Variants in ARHGAP24 observed in about 807,000 individuals in gnomAD.
The protein encoded by ARHGAP24 is Rho GTPase activating protein 24, also known as rho GTPase-activating protein 24.
Under a neutral mutation model 76.4 loss-of-function variants are expected in ARHGAP24, and 50 were observed. That is an observed-to-expected ratio of 0.65 (90% CI 0.52 to 0.83). The LOEUF (loss-of-function observed/expected upper bound fraction) is 0.83. Ranked by LOEUF, ARHGAP24 falls within the 40% of genes least tolerant of loss-of-function variation. The pLI is 0.00. For missense variants in ARHGAP24, 930 were observed against 914.2 expected (o/e 1.02, Z -0.22); for synonymous variants, 345 against 323.3 (o/e 1.07, Z -0.72).
chr4:85,894,670 A>G (rs1362120073), intron 3 of ARHGAP24, among the ~76,000 whole-genome samples: 1 of 152,134 alleles, frequency 6.6e-6, no homozygotes, highest in East Asian at 1.9e-4. Flanking sequence ...GATATAATGG[A>G]CTTTGGGAGC....
chr4:85,954,433 C>T (rs980450984), intron 5 of ARHGAP24, among the ~76,000 whole-genome samples: 1 of 152,208 alleles, frequency 6.6e-6, no homozygotes, highest in East Asian at 1.9e-4. Context: ...CCAATTTAAG[C>T]TCCTTGAGGG....
At chr4:85,704,030 G>A (rs541179171) in intron 2 of ARHGAP24, among the ~76,000 whole-genome samples, 7 of 152,138 alleles carry the variant, frequency 4.6e-5, no homozygotes, top group Non-Finnish European at 1.0e-4. Context: ...TCTATAGCAT[G>A]TAACCTTTGA....
chr4:85,495,883 A>G (rs1480415053), intron 1 of ARHGAP24, among the ~76,000 whole-genome samples: 2 of 152,170 alleles, frequency 1.3e-5, no homozygotes, highest in Non-Finnish European at 2.9e-5. Context: ...TTTCTCTTGG[A>G]TAGTGAAAGA....
intron 2 of ARHGAP24, among the ~76,000 whole-genome samples, chr4:85,574,518 T>C (rs972202180): frequency 6.6e-6 from 1 of 152,120 alleles, no homozygotes; most frequent in Admixed American, 6.5e-5. Flanking sequence ...AAAATAGATA[T>C]CTATAGATAG....
At position 85,994,867 on chromosome 4, in the gene ARHGAP24, AAC is replaced by A; in HGVS notation, c.1215_1216del (p.Asn405LysfsTer9). 6.2e-7 allele frequency: 1 copy of A among 1,614,130 alleles called. No homozygotes were observed. The highest frequency in any genetic ancestry group is 1.1e-5 in the South Asian group (1 of 91,078). On this transcript the variant is annotated frameshift_variant, in exon 9 of 10. Coordinates refer to ENST00000395184, the MANE Select transcript of ARHGAP24 (RefSeq NM_001025616.3). LOFTEE classifies it high-confidence loss of function. ...AGGCAGCAAAACCAACAGCCCAAAGAACAGTGTTCACAAGCTAGATGTGTCTA... is the reference window on the plus strand; with the variant it reads ...AGGCAGCAAAACCAACAGCCCAAAGAAGTGTTCACAAGCTAGATGTGTCTA... Reference protein sequence around the residue: ...LSGSKTNSPKNSVHKLDVSRS... With the variant: ...LSGSKTNSPKXSVHKLDVSRS...
intron 1 of ARHGAP24, among the ~76,000 whole-genome samples, chr4:85,494,415 A>C (rs535574667): frequency 2.0e-5 from 3 of 148,952 alleles, no homozygotes; most frequent in Admixed American, 2.0e-4. Context: ...ATTATTATAC[A>C]TTTTTTTTTT....
chr4:85,519,875 C>T lies in ARHGAP24; in HGVS notation c.-21+44316C>T, dbSNP rs111744665. Reference sequence around the variant, plus strand: ...CTCTTTGTCTTCAAGGCTGTCCCGACTGTGGTGTGGATGTCTCCTGTTTCC... The same window carrying T: ...CTCTTTGTCTTCAAGGCTGTCCCGATTGTGGTGTGGATGTCTCCTGTTTCC... On this transcript the variant is annotated intron_variant, in intron 1 of 9. Transcript: ENST00000395184. Among the ~76,000 whole-genome samples the T allele has an allele frequency of 1.4e-4, 21 of 152,212 alleles. 1 individual carries two copies. The highest frequency in any genetic ancestry group is 5.1e-4 in the African/African-American group (21 of 41,534).
chr4:85,645,353 CTCTTT>C (rs1165167489), intron 2 of ARHGAP24, among the ~76,000 whole-genome samples: 1 of 152,060 alleles, frequency 6.6e-6, no homozygotes, highest in African/African-American at 2.4e-5. Flanking sequence ...GGTCCTAGAT[CTCTTT>C]TCTTTTCTTT....
chr4:85,688,033 G>C (rs972692124), intron 2 of ARHGAP24, among the ~76,000 whole-genome samples: 1 of 152,050 alleles, frequency 6.6e-6, no homozygotes. Context: ...GGCTGATCTC[G>C]AACTCCTGAC....
chr4:85,879,044 T>G (rs755794831), intron 3 of ARHGAP24, among the ~76,000 whole-genome samples: 4 of 152,224 alleles, frequency 2.6e-5, no homozygotes, highest in Non-Finnish European at 4.4e-5. Context: ...CGATGGCTGC[T>G]GAAGAAGGGA....
intron 3 of ARHGAP24, among the ~76,000 whole-genome samples, chr4:85,745,519 A>G (rs1161609932): frequency 2.0e-5 from 3 of 149,394 alleles, no homozygotes; most frequent in African/African-American, 7.3e-5. Flanking sequence ...TCACTCCAGG[A>G]GTTCAAGGCT....
At chr4:85,822,229 G>GT (rs1262413214) in intron 3 of ARHGAP24, among the ~76,000 whole-genome samples, 1 of 152,082 alleles carries the variant, frequency 6.6e-6, no homozygotes, top group Non-Finnish European at 1.5e-5. Flanking sequence ...TGGTCTTTCT[G>GT]TTTTTCCAGT....
intron 1 of ARHGAP24, among the ~76,000 whole-genome samples, chr4:85,505,369 T>A (rs1242948572): frequency 1.3e-5 from 2 of 152,186 alleles, no homozygotes; most frequent in Non-Finnish European, 2.9e-5. Flanking sequence ...AATCAAACGT[T>A]GATTTGGTCT....
intron 3 of ARHGAP24, among the ~76,000 whole-genome samples, chr4:85,902,012 T>TC (rs1332811592): frequency 6.6e-6 from 1 of 152,102 alleles, no homozygotes; most frequent in Non-Finnish European, 1.5e-5. Context: ...TATGTGATGG[T>TC]CCCCTCCCTG....
At chr4:85,860,790 C>T (rs1206888006) in intron 3 of ARHGAP24, among the ~76,000 whole-genome samples, 4 of 151,900 alleles carry the variant, frequency 2.6e-5, no homozygotes, top group Non-Finnish European at 4.4e-5. Context: ...ATCATAGTCA[C>T]TTTTCCTACT....
chr4:85,828,107 C>T (rs193012166), intron 3 of ARHGAP24: 2 of 629,198 alleles, frequency 3.2e-6, no homozygotes, highest in East Asian at 1.3e-4. Context: ...TTTATTTATA[C>T]CCTTGTTTTC....
At chr4:85,696,669 A>T (rs1364193066) in intron 2 of ARHGAP24, among the ~76,000 whole-genome samples, 1 of 152,224 alleles carries the variant, frequency 6.6e-6, no homozygotes, top group African/African-American at 2.4e-5. Flanking sequence ...AGTTTGCTGA[A>T]GTTGTCTCAC....
intron 2 of ARHGAP24, among the ~76,000 whole-genome samples, chr4:85,624,877 T>A (rs1389563934): frequency 6.6e-6 from 1 of 152,234 alleles, no homozygotes; most frequent in African/African-American, 2.4e-5. Flanking sequence ...GTTTGCAGTA[T>A]TCTCTGATCG....
chr4:85,585,500 G>C (rs1296915400), intron 2 of ARHGAP24, among the ~76,000 whole-genome samples: 1 of 152,060 alleles, frequency 6.6e-6, no homozygotes, highest in Non-Finnish European at 1.5e-5. Context: ...CTGTGGGAGA[G>C]GTACTCTTCT....
Sources: allele counts gnomAD v4.1 joint callset (sites outside exome capture counted in the v4.1 genomes callset), GRCh38; gene constraint gnomAD v4.1.1; transcripts MANE v1.5; gene names NCBI Gene and HGNC (gene_info 2026-07-23, HGNC 2026-07-21).